FOXP1: variants seen among roughly 807,000 people sequenced by gnomAD.
The protein encoded by FOXP1 is forkhead box P1.
Under a neutral mutation model 98.2 loss-of-function variants are expected in FOXP1, and 15 were observed. The ratio of observed to expected loss-of-function variants is 0.15; its 90% CI spans 0.10 to 0.24. FOXP1 has a LOEUF of 0.24. FOXP1 is among the 10% of genes least tolerant of loss of function. The pLI is 1.00. For missense variants in FOXP1, 633 were observed against 848.5 expected, an observed-to-expected ratio of 0.75 and a Z score of 3.15; for synonymous variants, 371 against 314.5, an observed-to-expected ratio of 1.18 and a Z score of -1.90.
chr3:71,342,897 A>G (rs1176857342), intron 4 of FOXP1, among the ~76,000 whole-genome samples: 1 of 152,226 alleles, frequency 6.6e-6, no homozygotes, highest in African/African-American at 2.4e-5. Context: ...ACTGTTAACT[A>G]AATGACAGAT....
chr3:71,053,000 T>G (rs1458310786), intron 8 of FOXP1, among the ~76,000 whole-genome samples: 1 of 152,172 alleles, frequency 6.6e-6, no homozygotes, highest in Non-Finnish European at 1.5e-5. Context: ...AGTGTGTGCA[T>G]GGACAGCCTG....
intron 7 of FOXP1, among the ~76,000 whole-genome samples, chr3:71,063,025 A>G (rs576087516): frequency 2.0e-5 from 3 of 152,248 alleles, no homozygotes; most frequent in Non-Finnish European, 4.4e-5. Context: ...AACTACACAA[A>G]TAACTGTCTT....
chr3:71,146,925 C>G (rs571978856), intron 6 of FOXP1, among the ~76,000 whole-genome samples: 1 of 152,218 alleles, frequency 6.6e-6, no homozygotes, highest in East Asian at 1.9e-4. Context: ...CCATCACCAG[C>G]GAGCGCTGCT....
At chr3:70,986,225 G>C (rs1343473069) in intron 14 of FOXP1, among the ~76,000 whole-genome samples, 1 of 152,054 alleles carries the variant, frequency 6.6e-6, no homozygotes, top group East Asian at 1.9e-4. Context: ...AATCCCAATG[G>C]TCCTTTTGTG....
At chr3:71,405,247 C>T (rs1380619384) in intron 3 of FOXP1, among the ~76,000 whole-genome samples, 2 of 152,148 alleles carry the variant, frequency 1.3e-5, no homozygotes, top group Non-Finnish European at 2.9e-5. Flanking sequence ...CTGCCATCCT[C>T]GCCTATGGAA....
intron 3 of FOXP1, among the ~76,000 whole-genome samples, chr3:71,403,061 C>T (rs563365730): frequency 6.6e-6 from 1 of 152,288 alleles, no homozygotes; most frequent in African/African-American, 2.4e-5. Flanking sequence ...TAAGCAAAAC[C>T]AAATTAGTTT....
At chr3:71,324,987 C>A (rs937379409) in intron 4 of FOXP1, among the ~76,000 whole-genome samples, 9 of 152,220 alleles carry the variant, frequency 5.9e-5, no homozygotes, top group Admixed American at 5.2e-4. Context: ...GGAATGTGGA[C>A]CCAGCGCTGC....
intron 12 of FOXP1, among the ~76,000 whole-genome samples, chr3:71,006,098 C>G (rs2042775442): frequency 6.6e-6 from 1 of 152,012 alleles, no homozygotes; most frequent in Non-Finnish European, 1.5e-5. Flanking sequence ...AAATTTGAAG[C>G]AAGGAAATTC....
chr3:70,959,496 A>T, intron 20 of FOXP1, 105 bp from the exon 21 acceptor site: 1 of 1,238,244 alleles, frequency 8.1e-7, no homozygotes, highest in South Asian at 1.3e-5. Flanking sequence ...CTAGAACTAG[A>T]ACTCTGTCCA....
At chr3:71,003,260 GA>G (rs2042342204) in intron 12 of FOXP1, among the ~76,000 whole-genome samples, 2 of 152,238 alleles carry the variant, frequency 1.3e-5, no homozygotes, top group Non-Finnish European at 2.9e-5. Context: ...TGAAGATAAT[GA>G]AACGCAGTGA....
chr3:71,342,240 C>A lies in FOXP1; in HGVS notation c.-73+16910G>T, dbSNP rs541039210. ...GGATGAATCTTTATTCCTGAAATCA[C>A]AAGGGACTTATAGGAAACCATGTGA... On this transcript the variant is annotated intron_variant, in intron 4 of 20. Coordinates refer to ENST00000649528, the MANE Select transcript of FOXP1 (RefSeq NM_001349338.3). 5.3e-5 allele frequency among the ~76,000 whole-genome samples: 8 copies of A among 152,268 alleles called. No homozygotes were observed. The South Asian group carries it at 1.7e-3, about 32-fold the overall frequency.
intron 7 of FOXP1, among the ~76,000 whole-genome samples, chr3:71,104,289 T>C (rs369025003): frequency 5.9e-5 from 9 of 152,280 alleles, no homozygotes; most frequent in African/African-American, 1.9e-4. Context: ...TGCTGGGTGA[T>C]TCACTGCCAT....
At chr3:71,123,507 T>C (rs35043004) in intron 6 of FOXP1, among the ~76,000 whole-genome samples, 1 of 152,344 alleles carries the variant, frequency 6.6e-6, no homozygotes, top group Middle Eastern at 3.4e-3. Flanking sequence ...TTGGATTTTT[T>C]TCAAAACGAG....
intron 6 of FOXP1, among the ~76,000 whole-genome samples, chr3:71,177,172 G>A (rs1479520258): frequency 6.6e-6 from 1 of 152,176 alleles, no homozygotes; most frequent in African/African-American, 2.4e-5. Flanking sequence ...TGCCAGGCTT[G>A]GGTGTTCACT....
At chr3:71,180,935 TATTG>T (rs1477834688) in intron 6 of FOXP1, among the ~76,000 whole-genome samples, 5 of 152,204 alleles carry the variant, frequency 3.3e-5, no homozygotes, top group Non-Finnish European at 7.3e-5. Context: ...AGAAATTCTG[TATTG>T]ATTAGGATAT....
At chr3:71,533,175 T>A (rs563289185) in intron 2 of FOXP1, among the ~76,000 whole-genome samples, 3 of 152,320 alleles carry the variant, frequency 2.0e-5, no homozygotes, top group South Asian at 4.1e-4. Flanking sequence ...AACTGTTAAT[T>A]AGGCAAGATG....
chr3:71,171,537 G>A (rs1264959729), intron 6 of FOXP1, among the ~76,000 whole-genome samples: 1 of 152,100 alleles, frequency 6.6e-6, no homozygotes, highest in Non-Finnish European at 1.5e-5. Flanking sequence ...TGAAGTTAAA[G>A]TACTGAATGA....
At chr3:71,361,589 G>T (rs1173476714) in intron 3 of FOXP1, among the ~76,000 whole-genome samples, 1 of 152,144 alleles carries the variant, frequency 6.6e-6, no homozygotes, top group African/African-American at 2.4e-5. Context: ...TAATTTGTAG[G>T]TCCGGCTTCT....
intron 14 of FOXP1, among the ~76,000 whole-genome samples, chr3:70,987,704 T>A (rs1388066853): frequency 6.6e-6 from 1 of 152,228 alleles, no homozygotes; most frequent in Non-Finnish European, 1.5e-5. Context: ...GCTCTCATAA[T>A]GTATTTCAGT....
Sources: allele counts gnomAD v4.1 joint callset (sites outside exome capture counted in the v4.1 genomes callset), GRCh38; gene constraint gnomAD v4.1.1; transcripts MANE v1.5; gene names NCBI Gene and HGNC (gene_info 2026-07-23, HGNC 2026-07-21).